The following DYNC1I1 variants were observed in gnomAD, a reference collection of about 807,000 sequenced individuals.
The protein encoded by DYNC1I1 is cytoplasmic dynein 1 intermediate chain 1.
Under a neutral mutation model 86.6 loss-of-function variants are expected in DYNC1I1, and 43 were observed. The ratio of observed to expected loss-of-function variants is 0.50; its 90% CI spans 0.39 to 0.64. The LOEUF (loss-of-function observed/expected upper bound fraction) is 0.64, where lower values mean the gene tolerates loss of function less well. Ranked by LOEUF, DYNC1I1 falls within the 30% of genes least tolerant of loss-of-function variation. The pLI, the probability that DYNC1I1 is intolerant of heterozygous loss-of-function variation, is 0.00. For synonymous variants in DYNC1I1, 262 were observed against 283.7 expected, an observed-to-expected ratio of 0.92 and a Z score of 0.77; for missense variants, 604 against 788.8, an observed-to-expected ratio of 0.77 and a Z score of 2.81.
At chr7:95,885,536 T>A (rs1201959517) in intron 6 of DYNC1I1, among the ~76,000 whole-genome samples, 2 of 152,192 alleles carry the variant, frequency 1.3e-5, no homozygotes, top group East Asian at 3.8e-4. Flanking sequence ...TGGAGTCCAG[T>A]GGCATGATCA....
chr7:95,945,178 G>A (rs1384137933), intron 6 of DYNC1I1, among the ~76,000 whole-genome samples: 1 of 151,932 alleles, frequency 6.6e-6, no homozygotes, highest in Admixed American at 6.5e-5. Flanking sequence ...CTCTACAGAT[G>A]ACTGTAAAAT....
intron 14 of DYNC1I1, among the ~76,000 whole-genome samples, chr7:96,062,483 C>A (rs1789811118): frequency 6.6e-6 from 1 of 151,370 alleles, no homozygotes; most frequent in South Asian, 2.1e-4. Context: ...ACTGTCAAAA[C>A]CAGGCTATAG....
At chr7:95,910,367 T>G (rs1387442498) in intron 6 of DYNC1I1, among the ~76,000 whole-genome samples, 2 of 152,206 alleles carry the variant, frequency 1.3e-5, no homozygotes, top group Non-Finnish European at 2.9e-5. Flanking sequence ...CATTCAGGAC[T>G]TCTGTGTCCA....
chr7:95,972,031 G>A (rs1257868266), intron 6 of DYNC1I1, among the ~76,000 whole-genome samples: 1 of 152,138 alleles, frequency 6.6e-6, no homozygotes, highest in Admixed American at 6.5e-5. Flanking sequence ...AGTTTTGCAA[G>A]CCCTAAGAGG....
At chr7:95,955,616 C>G (rs1211755105) in intron 6 of DYNC1I1, among the ~76,000 whole-genome samples, 6 of 152,120 alleles carry the variant, frequency 3.9e-5, no homozygotes, top group Non-Finnish European at 8.8e-5. Context: ...AAGAAATAAA[C>G]TTGCCCTTCA....
intron 14 of DYNC1I1, among the ~76,000 whole-genome samples, chr7:96,042,391 C>T (rs940494388): frequency 2.6e-5 from 4 of 152,150 alleles, no homozygotes; most frequent in South Asian, 2.1e-4. Flanking sequence ...GACCTGGGAA[C>T]GGTGACCAAT....
At chr7:96,053,726 A>G (rs1789474838) in intron 14 of DYNC1I1, among the ~76,000 whole-genome samples, 1 of 150,334 alleles carries the variant, frequency 6.7e-6, no homozygotes, top group South Asian at 2.1e-4. Context: ...TTGTTTCACA[A>G]TTTAGTGCAT....
At position 95,956,338 on chromosome 7, in the gene DYNC1I1, G is replaced by A. The variant is rs558149955; in HGVS notation, c.491-21174G>A. Reference sequence around the variant, plus strand: ...CTTAGCCACCTTTGCTATCTCCCTCGACTTACACAACAGGTGCTCAATAAG... The same window carrying A: ...CTTAGCCACCTTTGCTATCTCCCTCAACTTACACAACAGGTGCTCAATAAG... On this transcript the variant is annotated intron_variant, in intron 6 of 16. Coordinates refer to ENST00000447467, the MANE Select transcript of DYNC1I1 (RefSeq NM_001135556.2). 2.7e-5 allele frequency among the ~76,000 whole-genome samples: 4 copies of A among 150,898 alleles called. No homozygotes were observed. The East Asian group carries it at 7.8e-4, about 29-fold the overall frequency.
intron 8 of DYNC1I1, among the ~76,000 whole-genome samples, chr7:95,985,438 G>A (rs1793565862): frequency 6.6e-6 from 1 of 152,126 alleles, no homozygotes; most frequent in Admixed American, 6.6e-5. Context: ...ATGAAAGTAT[G>A]CATATGTGTA....
At chr7:95,790,336 A>C (rs912266579) in intron 1 of DYNC1I1, among the ~76,000 whole-genome samples, 1 of 151,748 alleles carries the variant, frequency 6.6e-6, no homozygotes, top group African/African-American at 2.4e-5. Flanking sequence ...CCCATTTTGT[A>C]CTCACTGTTC....
chr7:95,880,780 G>A (rs1790435839), intron 6 of DYNC1I1, among the ~76,000 whole-genome samples: 1 of 151,192 alleles, frequency 6.6e-6, no homozygotes, highest in Admixed American at 6.6e-5. Flanking sequence ...CGAGTAGCTG[G>A]GATTACAGGT....
intron 12 of DYNC1I1, among the ~76,000 whole-genome samples, chr7:96,033,776 G>A (rs1285413591): frequency 1.3e-5 from 2 of 152,144 alleles, no homozygotes; most frequent in Non-Finnish European, 2.9e-5. Context: ...TTGGGAGGCC[G>A]AGGTGAGAGA....
Position 95,937,521 on chromosome 7 carries a change from C to T in DYNC1I1, c.491-39991C>T, listed in dbSNP as rs150883059. Among the ~76,000 whole-genome samples, 779 of 148,418 alleles carry T rather than the reference C, an allele frequency of 5.2e-3. 6 individuals are homozygous for T. Among genetic ancestry groups the T allele is most frequent in the Non-Finnish European group, 8.6e-3 (579 of 67,322 alleles). ...ATCTTCGTTCAAAAAAAAAAAAGCA[C>T]CTATGAAAGACATTTAGCAAACAGC... On this transcript the variant is annotated intron_variant, in intron 6 of 16. Transcript: ENST00000447467.
At chr7:95,910,651 G>A (rs1791309904) in intron 6 of DYNC1I1, among the ~76,000 whole-genome samples, 1 of 152,194 alleles carries the variant, frequency 6.6e-6, no homozygotes, top group Non-Finnish European at 1.5e-5. Flanking sequence ...GCCTTGTCAA[G>A]GCATTAGAAG....
At chr7:95,939,289 G>A (rs559812937) in intron 6 of DYNC1I1, among the ~76,000 whole-genome samples, 2 of 152,316 alleles carry the variant, frequency 1.3e-5, no homozygotes, top group South Asian at 4.1e-4. Context: ...TTGGGGTGGA[G>A]AGTTCTGTAG....
intron 6 of DYNC1I1, among the ~76,000 whole-genome samples, chr7:95,915,822 T>G (rs971873280): frequency 1.3e-5 from 2 of 152,218 alleles, no homozygotes; most frequent in Non-Finnish European, 2.9e-5. Context: ...TCCAGTTAGG[T>G]TAGGATATTT....
At chr7:96,047,679 G>A (rs1270867316) in intron 14 of DYNC1I1, among the ~76,000 whole-genome samples, 1 of 152,124 alleles carries the variant, frequency 6.6e-6, no homozygotes, top group East Asian at 1.9e-4. Flanking sequence ...AACATAAGGA[G>A]ATAGAGAGGC....
At chr7:96,076,397 C>T (rs1013685965) in intron 15 of DYNC1I1, among the ~76,000 whole-genome samples, 200 bp downstream of exon 15, 1 of 152,210 alleles carries the variant, frequency 6.6e-6, no homozygotes, top group Non-Finnish European at 1.5e-5. Flanking sequence ...CTCCCTTCAT[C>T]CCTAAACGGT....
Position 95,936,483 on chromosome 7 carries a change from A to G in DYNC1I1, c.491-41029A>G, listed in dbSNP as rs142795780. ...CACCACAGAATGGCTTTTCATCTGT[A>G]TCTGGTTTTTAGGTGAAACAAGGTG... is the stretch of plus-strand genomic sequence containing the variant. On this transcript the variant is annotated intron_variant, in intron 6 of 16. Transcript: ENST00000447467. Among the ~76,000 whole-genome samples, 18 of 152,092 alleles carry G rather than the reference A, an allele frequency of 1.2e-4. No homozygotes were observed. In the East Asian group the frequency reaches 3.1e-3, roughly 26 times the overall value.
Sources: allele counts gnomAD v4.1 joint callset (sites outside exome capture counted in the v4.1 genomes callset), GRCh38; gene constraint gnomAD v4.1.1; transcripts MANE v1.5; gene names NCBI Gene and HGNC (gene_info 2026-07-23, HGNC 2026-07-21).